BNC2: variants seen among roughly 807,000 people sequenced by gnomAD.
BNC2 encodes the protein zinc finger protein basonuclin-2.
Under a neutral mutation model 76.3 loss-of-function variants are expected in BNC2, and 20 were observed. The observed-to-expected ratio is 0.26, with a 90% CI of 0.18 to 0.38. The LOEUF (loss-of-function observed/expected upper bound fraction) is 0.38. BNC2 is among the 10% of genes least tolerant of loss of function. The probability of loss-of-function intolerance (pLI) is 1.00; values close to 1 mark genes in which losing one functional copy is unlikely to be tolerated. For missense variants in BNC2, 1,382 were observed against 1,399.8 expected, an observed-to-expected ratio of 0.99 and a Z score of 0.20; for synonymous variants, 582 against 514.8, an observed-to-expected ratio of 1.13 and a Z score of -1.77.
chr9:16,849,225 T>C (rs1819065515), intron 1 of BNC2, among the ~76,000 whole-genome samples: 1 of 151,758 alleles, frequency 6.6e-6, no homozygotes, highest in South Asian at 2.1e-4. Context: ...GAACTCTCAT[T>C]CCCCCCACCA....
chr9:16,717,896 A>T (rs1824036052), intron 3 of BNC2, among the ~76,000 whole-genome samples: 1 of 152,236 alleles, frequency 6.6e-6, no homozygotes, highest in Non-Finnish European at 1.5e-5. Flanking sequence ...GGTAAGCAGC[A>T]GTTGGTTTAT....
intron 3 of BNC2, among the ~76,000 whole-genome samples, chr9:16,677,805 A>T (rs72704092): frequency 0.15 from 22,659 of 152,138 alleles, 2,540 homozygotes; most frequent in East Asian, 0.55. Context: ...GGATAACTCA[A>T]TGAGTATTCT....
chr9:16,457,259 T>C (rs891269654), intron 5 of BNC2, among the ~76,000 whole-genome samples: 15 of 152,186 alleles, frequency 9.9e-5, no homozygotes, highest in African/African-American at 3.6e-4. Flanking sequence ...ACCTTCTGAA[T>C]TTCTGACTTT....
At chr9:16,461,251 T>C (rs1292255061) in intron 5 of BNC2, among the ~76,000 whole-genome samples, 2 of 152,162 alleles carry the variant, frequency 1.3e-5, no homozygotes, top group African/African-American at 4.8e-5. Context: ...TCTGTTGATC[T>C]CTTTGTTGGG....
chr9:16,846,636 G>T (rs545428046), intron 1 of BNC2, among the ~76,000 whole-genome samples: 1 of 152,284 alleles, frequency 6.6e-6, no homozygotes, highest in East Asian at 1.9e-4. Context: ...ATACAAGCTG[G>T]TGCATATGAG....
chr9:16,764,963 C>T (rs1446925235), intron 1 of BNC2, among the ~76,000 whole-genome samples: 1 of 151,920 alleles, frequency 6.6e-6, no homozygotes, highest in East Asian at 1.9e-4. Context: ...AGAGAGAGAA[C>T]ATCTTCTGTA....
intron 1 of BNC2, among the ~76,000 whole-genome samples, chr9:16,862,946 G>T (rs1819448222): frequency 1.4e-5 from 2 of 145,350 alleles, no homozygotes; most frequent in Non-Finnish European, 3.0e-5. Flanking sequence ...ACAAAGTCTT[G>T]CTCTGTCGCT....
In BNC2 at chr9:16,853,789, A is replaced by G. The variant is rs188541094; in HGVS notation, c.3+16857T>C. 1.7e-3 allele frequency among the ~76,000 whole-genome samples: 252 copies of G among 152,028 alleles called. 3 individuals are homozygous for G. The highest frequency in any genetic ancestry group is 2.8e-3 in the Non-Finnish European group (190 of 67,974). On this transcript the variant is annotated intron_variant, in intron 1 of 6. Coordinates refer to ENST00000380672, the MANE Select transcript of BNC2 (RefSeq NM_017637.6). Reference sequence around the variant, plus strand: ...AGGGTGAGGCAGGAGAACTGCTTGAACCTGGGAGACAGAGGTTGCAGTGAG... The same window carrying G: ...AGGGTGAGGCAGGAGAACTGCTTGAGCCTGGGAGACAGAGGTTGCAGTGAG...
intron 3 of BNC2, among the ~76,000 whole-genome samples, chr9:16,588,688 ATAAAAGTACATT>A (rs1294136928): frequency 6.6e-6 from 1 of 152,234 alleles, no homozygotes; most frequent in East Asian, 1.9e-4. Flanking sequence ...TGAATATTAA[ATAAAAGTACATT>A]TGAAAGTATT....
At position 16,562,776 on chromosome 9, in the gene BNC2, A is replaced by G. The variant is rs1031040109; in HGVS notation, c.434-10011T>C. ...ATTTTTTCCTAAAGTCCAACACTAA[A>G]TTGTGTGATACACATGGAACCGTAT... On this transcript the variant is annotated intron_variant, in intron 4 of 6. Coordinates refer to ENST00000380672, the MANE Select transcript of BNC2 (RefSeq NM_017637.6). Among the ~76,000 whole-genome samples, 3 of 152,210 alleles carry G rather than the reference A, an allele frequency of 2.0e-5. No individual in the cohort carries two copies. In the East Asian group the frequency reaches 5.8e-4, roughly 29 times the overall value.
At position 16,793,838 on chromosome 9, in the gene BNC2, G is replaced by GT. The variant is rs1372261468; in HGVS notation, c.4-55354dup. Among the ~76,000 whole-genome samples the GT allele has an allele frequency of 5.8e-3, 767 of 132,920 alleles. 6 individuals carry two copies. Among genetic ancestry groups the GT allele is most frequent in the African/African-American group, 0.019 (712 of 37,066 alleles). 87.2% of individuals were successfully genotyped at this position (132,920 alleles called of 152,430 possible). On this transcript the variant is annotated intron_variant, in intron 1 of 6. Coordinates refer to ENST00000380672, the MANE Select transcript of BNC2 (RefSeq NM_017637.6). ...AGGTGCCCGCCACCATGCCCAGCTA[G>GT]TTTTTGTTTTTTGTGGTTTTTGTTT...
chr9:16,727,750 G>T (rs755903783), intron 3 of BNC2, 47 bp downstream of exon 3: 1 of 1,526,546 alleles, frequency 6.6e-7, no homozygotes, highest in Admixed American at 1.8e-5. Context: ...ACAATTCAAG[G>T]TTTCTTAAAA....
At chr9:16,656,764 T>G (rs140810573) in intron 3 of BNC2, among the ~76,000 whole-genome samples, 5 of 152,328 alleles carry the variant, frequency 3.3e-5, no homozygotes, top group Non-Finnish European at 7.3e-5. Context: ...GGCAATATGT[T>G]GTACAGCAGA....
chr9:16,426,239 T>C (rs926397103), intron 6 of BNC2, among the ~76,000 whole-genome samples: 8 of 152,180 alleles, frequency 5.3e-5, no homozygotes, highest in African/African-American at 1.9e-4. Context: ...CCTTGTTTTA[T>C]ATAGCCTTAC....
At chr9:16,716,992 G>T (rs963002631) in intron 3 of BNC2, among the ~76,000 whole-genome samples, 2 of 151,966 alleles carry the variant, frequency 1.3e-5, no homozygotes, top group Admixed American at 1.3e-4. Context: ...TTAACTCCTA[G>T]GTGAATAGAA....
chr9:16,665,470 G>GAAAGAAAGAAAT lies in BNC2; in HGVS notation c.330+62326_330+62327insATTTCTTTCTTT, dbSNP rs1438661111. On this transcript the variant is annotated intron_variant, in intron 3 of 6. Transcript: ENST00000380672. Reference sequence around the variant, plus strand: ...AGAAAGAAAGAAAGAAAGAAAGAAAGAAAGAAAGAAAGAAAGAAAGAGAGA... The same window carrying GAAAGAAAGAAAT: ...AGAAAGAAAGAAAGAAAGAAAGAAAGAAAGAAAGAAATAAAGAAAGAAAGAAAGAAAGAGAGA... Among the ~76,000 whole-genome samples the GAAAGAAAGAAAT allele has an allele frequency of 8.5e-4, 122 of 143,194 alleles. 1 individual carries two copies. Among genetic ancestry groups the GAAAGAAAGAAAT allele is most frequent in the African/African-American group, 2.6e-3 (101 of 38,120 alleles). 93.9% of individuals were successfully genotyped at this position (143,194 alleles called of 152,430 possible).
intron 4 of BNC2, among the ~76,000 whole-genome samples, chr9:16,571,816 C>A (rs555749705): frequency 6.6e-6 from 1 of 152,008 alleles, no homozygotes; most frequent in African/African-American, 2.4e-5. Flanking sequence ...AAGGTTTTTG[C>A]CTGACACAGA....
Position 16,542,398 on chromosome 9 carries a change from G to C in BNC2, c.669+10132C>G, listed in dbSNP as rs190083748. On this transcript the variant is annotated intron_variant, in intron 5 of 6. Transcript: ENST00000380672. ...AAAGAAAAGAGAGAGAAGAAGATGGGGGAGGGGACAGGGAGAGAGGAAAAG... is the reference window on the plus strand; with the variant it reads ...AAAGAAAAGAGAGAGAAGAAGATGGCGGAGGGGACAGGGAGAGAGGAAAAG... Among the ~76,000 whole-genome samples, 20 of 152,222 alleles carry C rather than the reference G, an allele frequency of 1.3e-4. No individual in the cohort carries two copies. The East Asian group carries it at 3.5e-3, about 26-fold the overall frequency.
At chr9:16,658,531 T>C (rs1821999232) in intron 3 of BNC2, among the ~76,000 whole-genome samples, 1 of 152,154 alleles carries the variant, frequency 6.6e-6, no homozygotes, top group Non-Finnish European at 1.5e-5. Context: ...CCTGGATTCC[T>C]TAATATTTTT....
Sources: gnomAD v4.1 joint callset for allele counts (sites outside exome capture counted in the v4.1 genomes callset) on GRCh38, gnomAD v4.1.1 for gene constraint, MANE v1.5 for transcripts, NCBI Gene and HGNC (gene_info 2026-07-23, HGNC 2026-07-21) for gene names.